MARCHF1: variants seen among roughly 807,000 people sequenced by gnomAD.
MARCHF1 encodes the protein membrane associated ring-CH-type finger 1.
In MARCHF1, 40 loss-of-function variants were observed where a neutral mutation model predicts 54.2. That is an observed-to-expected ratio of 0.74 (90% CI 0.57 to 0.96). The LOEUF (loss-of-function observed/expected upper bound fraction) is 0.96. Among genes scored for constraint, MARCHF1 ranks in the 40% least tolerant of loss-of-function variants. MARCHF1 has a pLI of 0.00. For synonymous variants in MARCHF1, 236 were observed against 236.3 expected, an observed-to-expected ratio of 1.00 and a Z score of 0.01; for missense variants, 586 against 656.5, an observed-to-expected ratio of 0.89 and a Z score of 1.17.
At chr4:164,172,131 T>C (rs573875515) in intron 1 of MARCHF1, among the ~76,000 whole-genome samples, 3 of 152,298 alleles carry the variant, frequency 2.0e-5, no homozygotes, top group African/African-American at 7.2e-5. Context: ...CCCCTCATTT[T>C]CTCTAGTCTA....
intron 4 of MARCHF1, among the ~76,000 whole-genome samples, chr4:163,818,837 T>C (rs553596959): frequency 6.6e-6 from 1 of 152,118 alleles, no homozygotes; most frequent in Non-Finnish European, 1.5e-5. Context: ...GAGTTTGCTC[T>C]CCTTTAAAGT....
At chr4:164,040,561 A>T (rs1431471322) in intron 2 of MARCHF1, among the ~76,000 whole-genome samples, 1 of 151,394 alleles carries the variant, frequency 6.6e-6, no homozygotes, top group African/African-American at 2.4e-5. Context: ...ATTAAAAAAT[A>T]GGCTTCAGAA....
chr4:164,186,672 G>A (rs970031210), intron 1 of MARCHF1, among the ~76,000 whole-genome samples: 1 of 152,194 alleles, frequency 6.6e-6, no homozygotes, highest in African/African-American at 2.4e-5. Flanking sequence ...AAGCTCACAT[G>A]AATAAAAGCC....
At chr4:163,943,705 C>T (rs1283834709) in intron 3 of MARCHF1, among the ~76,000 whole-genome samples, 1 of 143,436 alleles carries the variant, frequency 7.0e-6, no homozygotes, top group Non-Finnish European at 1.5e-5. Flanking sequence ...AGTTTACCTA[C>T]GTAACAAATC....
intron 1 of MARCHF1, among the ~76,000 whole-genome samples, chr4:164,180,556 A>G (rs1182441164): frequency 6.6e-6 from 1 of 152,174 alleles, no homozygotes; most frequent in Non-Finnish European, 1.5e-5. Context: ...AAGAATTGGC[A>G]TGGTGCTCCT....
At chr4:164,047,160 A>T (rs2111033866) in intron 2 of MARCHF1, among the ~76,000 whole-genome samples, 1 of 152,336 alleles carries the variant, frequency 6.6e-6, no homozygotes, top group Middle Eastern at 3.4e-3. Flanking sequence ...TCCCAGTGAC[A>T]TCCATAGAGA....
At chr4:164,277,106 C>T (rs1040832118) in intron 1 of MARCHF1, among the ~76,000 whole-genome samples, 3 of 151,542 alleles carry the variant, frequency 2.0e-5, no homozygotes, top group Non-Finnish European at 2.9e-5. Flanking sequence ...ACCATTTGTT[C>T]CCTCCTTAGA....
chr4:163,530,588 T>C (rs1738311929), intron 9 of MARCHF1: 1 of 151,908 alleles, frequency 6.6e-6, no homozygotes, highest in East Asian at 1.9e-4. Context: ...TAAAAGGGAT[T>C]GTAAGAAAAC....
At chr4:163,594,561 C>T (rs554248900) in intron 7 of MARCHF1, among the ~76,000 whole-genome samples, 4 of 150,954 alleles carry the variant, frequency 2.6e-5, no homozygotes, top group South Asian at 2.1e-4. Context: ...GAACCCACTA[C>T]ATAATTTAAA....
At chr4:164,277,116 A>G (rs1415500995) in intron 1 of MARCHF1, among the ~76,000 whole-genome samples, 1 of 151,656 alleles carries the variant, frequency 6.6e-6, no homozygotes, top group African/African-American at 2.4e-5. Flanking sequence ...CCCTCCTTAG[A>G]TATCATCATT....
chr4:163,803,215 C>T (rs1411033597), intron 4 of MARCHF1, among the ~76,000 whole-genome samples: 1 of 151,944 alleles, frequency 6.6e-6, no homozygotes, highest in East Asian at 1.9e-4. Flanking sequence ...CTCTTTTTGT[C>T]CAGTCTGGAG....
chr4:163,849,112 C>T (rs1245336977), intron 4 of MARCHF1, among the ~76,000 whole-genome samples: 1 of 152,088 alleles, frequency 6.6e-6, no homozygotes, highest in Non-Finnish European at 1.5e-5. Context: ...GTGTTCTTCC[C>T]CTTAACCTGA....
At chr4:164,315,407 T>A (rs1219096176) in intron 1 of MARCHF1, among the ~76,000 whole-genome samples, 1 of 152,158 alleles carries the variant, frequency 6.6e-6, no homozygotes, top group Non-Finnish European at 1.5e-5. Context: ...GGGCAATGTT[T>A]GTATCAAAGT....
chr4:164,113,132 TG>T (rs1444262546), intron 1 of MARCHF1, among the ~76,000 whole-genome samples: 6 of 151,898 alleles, frequency 4.0e-5, no homozygotes, highest in Non-Finnish European at 8.8e-5. Context: ...TCTATTTCAA[TG>T]GACTTTATTT....
intron 4 of MARCHF1, among the ~76,000 whole-genome samples, chr4:163,728,915 A>G (rs1343015367): frequency 6.6e-6 from 1 of 152,160 alleles, no homozygotes; most frequent in Non-Finnish European, 1.5e-5. Context: ...ACCATTAAGT[A>G]TGAGGTTAGT....
chr4:163,990,450 A>G (rs1046811689), intron 2 of MARCHF1, among the ~76,000 whole-genome samples: 2 of 152,218 alleles, frequency 1.3e-5, no homozygotes, highest in Admixed American at 6.5e-5. Flanking sequence ...TAAGCTCATT[A>G]AAGTTCATAT....
chr4:164,337,471 C>G (rs1288378874), intron 1 of MARCHF1, among the ~76,000 whole-genome samples: 1 of 152,160 alleles, frequency 6.6e-6, no homozygotes, highest in Non-Finnish European at 1.5e-5. Flanking sequence ...AGAACACTGC[C>G]CAAGAGATCC....
intron 5 of MARCHF1, among the ~76,000 whole-genome samples, chr4:163,658,583 A>G (rs977007211): frequency 6.6e-6 from 1 of 152,032 alleles, no homozygotes. Flanking sequence ...TCATTCTACT[A>G]TCAAGACCAT....
chr4:163,740,505 C>A (rs776064774), intron 4 of MARCHF1, among the ~76,000 whole-genome samples: 2 of 152,108 alleles, frequency 1.3e-5, no homozygotes, highest in South Asian at 4.1e-4. Context: ...CACCACTGAG[C>A]AATAGGGTAC....
Sources: gnomAD v4.1 joint callset for allele counts (sites outside exome capture counted in the v4.1 genomes callset) on GRCh38, gnomAD v4.1.1 for gene constraint, MANE v1.5 for transcripts, NCBI Gene and HGNC (gene_info 2026-07-23, HGNC 2026-07-21) for gene names.